Variants in DCDC2C observed in about 807,000 individuals in gnomAD.
DCDC2C encodes the protein doublecortin domain-containing protein 2C.
DCDC2C carries 44 observed loss-of-function variants against 45.0 expected under a neutral mutation model. The ratio of observed to expected loss-of-function variants is 0.98; its 90% CI spans 0.77 to 1.26. The LOEUF (loss-of-function observed/expected upper bound fraction) is 1.26, where lower values mean the gene tolerates loss of function less well. Ranked by LOEUF, DCDC2C falls within the 50% of genes most tolerant of loss-of-function variation. The pLI is 0.00. For synonymous variants in DCDC2C, 187 were observed against 178.8 expected (o/e 1.05, Z -0.37); for missense variants, 447 against 468.9 (o/e 0.95, Z 0.43).
At chr2:3,787,561 C>T (rs945108111) in intron 10 of DCDC2C, among the ~76,000 whole-genome samples, 2 of 152,234 alleles carry the variant, frequency 1.3e-5, no homozygotes, top group Non-Finnish European at 2.9e-5. Flanking sequence ...CAATGCCTTA[C>T]TTACAGTCGA....
At chr2:3,797,240 T>A (rs1670982531) in intron 10 of DCDC2C, among the ~76,000 whole-genome samples, 1 of 152,196 alleles carries the variant, frequency 6.6e-6, no homozygotes, top group African/African-American at 2.4e-5. Flanking sequence ...TTTTATTGCG[T>A]CTATTTGATT....
chr2:3,822,619 C>CT (rs1454100022), intron 10 of DCDC2C, among the ~76,000 whole-genome samples: 3 of 151,368 alleles, frequency 2.0e-5, no homozygotes, highest in African/African-American at 7.3e-5. Context: ...TTCTATTTTA[C>CT]TTTTTCCACT....
chr2:3,733,387 A>G (rs1333076449), intron 3 of DCDC2C, among the ~76,000 whole-genome samples: 2 of 152,244 alleles, frequency 1.3e-5, no homozygotes, highest in African/African-American at 4.8e-5. Context: ...GGTGTAAACC[A>G]CATACAGTGA....
chr2:3,751,398 A>G (rs551428783), intron 4 of DCDC2C, among the ~76,000 whole-genome samples: 1 of 152,224 alleles, frequency 6.6e-6, no homozygotes, highest in Non-Finnish European at 1.5e-5. Flanking sequence ...CCTCTGCTCC[A>G]GGTGGGCCCA....
chr2:3,787,714 G>A (rs1346646476), intron 10 of DCDC2C, among the ~76,000 whole-genome samples: 1 of 152,194 alleles, frequency 6.6e-6, no homozygotes, highest in African/African-American at 2.4e-5. Context: ...ATGAGAAAGT[G>A]AAAACCCTGA....
At chr2:3,802,328 C>T (rs1445123623) in intron 10 of DCDC2C, among the ~76,000 whole-genome samples, 1 of 152,174 alleles carries the variant, frequency 6.6e-6, no homozygotes, top group Non-Finnish European at 1.5e-5. Flanking sequence ...ACTGTTTCAG[C>T]CTTGGAAAGA....
At chr2:3,752,450 T>A (rs1262293286) in intron 4 of DCDC2C, 1 of 360,210 alleles carries the variant, frequency 2.8e-6, no homozygotes, top group African/African-American at 2.1e-5. Flanking sequence ...TTGTATTAAT[T>A]TTAGCTGTTA....
intron 6 of DCDC2C, among the ~76,000 whole-genome samples, chr2:3,764,108 C>T (rs1346642254): frequency 6.6e-6 from 1 of 152,206 alleles, no homozygotes; most frequent in Admixed American, 6.5e-5. Context: ...TTTCTCATCG[C>T]TTACCTCTAT....
chr2:3,840,505 A>T (rs1672186909), intron 10 of DCDC2C, among the ~76,000 whole-genome samples: 2 of 152,264 alleles, frequency 1.3e-5, no homozygotes, highest in Non-Finnish European at 2.9e-5. Flanking sequence ...TAATGTTGGC[A>T]TGGCTTTCTG....
At chr2:3,794,848 A>G (rs1346183891) in intron 10 of DCDC2C, among the ~76,000 whole-genome samples, 1 of 152,142 alleles carries the variant, frequency 6.6e-6, no homozygotes, top group South Asian at 2.1e-4. Flanking sequence ...TCTTTATAGC[A>G]GCATGATTTA....
At chr2:3,708,721 G>A in intron 2 of DCDC2C, 121 bp downstream of exon 2, 1 of 725,078 alleles carries the variant, frequency 1.4e-6, no homozygotes, top group Middle Eastern at 2.5e-4. Flanking sequence ...GAGATGTGTT[G>A]CTCTTGAAGC....
chr2:3,779,746 G>A (rs943459726), intron 9 of DCDC2C, among the ~76,000 whole-genome samples: 18 of 151,438 alleles, frequency 1.2e-4, no homozygotes, highest in African/African-American at 3.9e-4. Flanking sequence ...GTAAACAGGC[G>A]GGGACACTCG....
chr2:3,726,640 G>A (rs373143844), intron 2 of DCDC2C, among the ~76,000 whole-genome samples: 113 of 152,274 alleles, frequency 7.4e-4, no homozygotes, highest in African/African-American at 2.6e-3. Context: ...AAAGCTCCTC[G>A]GCATAGTAGG....
At chr2:3,808,288 A>T (rs1671304958) in intron 10 of DCDC2C, among the ~76,000 whole-genome samples, 1 of 152,168 alleles carries the variant, frequency 6.6e-6, no homozygotes, top group Non-Finnish European at 1.5e-5. Flanking sequence ...AACTAATGAC[A>T]TTGCGCATCT....
At chr2:3,778,739 T>G (rs1670424325) in intron 8 of DCDC2C, 77 bp from the exon 9 acceptor site, 9 of 1,404,524 alleles carry the variant, frequency 6.4e-6, no homozygotes, top group Non-Finnish European at 8.9e-6. Context: ...AAGGTCGCAC[T>G]ATTTCACGTG....
chr2:3,819,445 G>A (rs1671635089), intron 10 of DCDC2C, among the ~76,000 whole-genome samples: 1 of 152,246 alleles, frequency 6.6e-6, no homozygotes, highest in African/African-American at 2.4e-5. Context: ...TGCTGGAGAT[G>A]TGGCTGGGGT....
intron 10 of DCDC2C, 124 bp downstream of exon 10, chr2:3,785,224 G>A (rs759195584): frequency 6.4e-6 from 4 of 620,208 alleles, no homozygotes; most frequent in Non-Finnish European, 4.7e-6. Flanking sequence ...TTATGCCTCT[G>A]TCATACACCC....
chr2:3,771,723 G>A (rs949215382), intron 8 of DCDC2C, among the ~76,000 whole-genome samples: 1 of 152,192 alleles, frequency 6.6e-6, no homozygotes, highest in South Asian at 2.1e-4. Flanking sequence ...CGGGTGGGTG[G>A]CTGCATCCGA....
chr2:3,798,282 T>A (rs1159689864), intron 10 of DCDC2C, among the ~76,000 whole-genome samples: 1 of 151,864 alleles, frequency 6.6e-6, no homozygotes, highest in Admixed American at 6.6e-5. Flanking sequence ...GTGAGATGGG[T>A]TTCCTGAATA....
Sources: gnomAD v4.1 joint callset for allele counts (sites outside exome capture counted in the v4.1 genomes callset) on GRCh38, gnomAD v4.1.1 for gene constraint, MANE v1.5 for transcripts, NCBI Gene and HGNC (gene_info 2026-07-23, HGNC 2026-07-21) for gene names.